ADRA1B: variants seen among roughly 807,000 people sequenced by gnomAD.
ADRA1B encodes adrenoceptor alpha 1B.
In ADRA1B, 17 loss-of-function variants were observed where a neutral mutation model predicts 17.9. The ratio of observed to expected loss-of-function variants is 0.95; its 90% confidence interval spans 0.65 to 1.42. The LOEUF (loss-of-function observed/expected upper bound fraction) is 1.42. Ranked by LOEUF, ADRA1B falls within the 40% of genes most tolerant of loss-of-function variation. The pLI, the probability that ADRA1B is intolerant of heterozygous loss-of-function variation, is 0.00. For synonymous variants in ADRA1B, 366 were observed against 327.6 expected, an observed-to-expected ratio of 1.12 and a Z score of -1.27; for missense variants, 681 against 722.1, an observed-to-expected ratio of 0.94 and a Z score of 0.65.
At chr5:159,986,689 T>C in the ADRA1B span, among the ~76,000 whole-genome samples, 1 of 152,186 alleles carries the variant, frequency 6.6e-6, no homozygotes, top group Non-Finnish European at 1.5e-5. Flanking sequence ...ATGATACAGT[T>C]GGTCCATGGA....
chr5:159,879,847 T>C (rs1031353676), intron 1 of ADRA1B, among the ~76,000 whole-genome samples: 2 of 151,790 alleles, frequency 1.3e-5, no homozygotes, highest in African/African-American at 2.4e-5. Flanking sequence ...AATACAAAAA[T>C]TAGCTGGGCG....
In ADRA1B at chr5:159,870,081, G is replaced by T. The variant is rs1753716845; in HGVS notation, c.-256+4875G>T. ...AAACAAAAAGTCACAGAAACAAATA[G>T]TTTCAAAATGTGACAATGCTATGAA... On this transcript the variant is annotated intron_variant, in intron 1 of 2. Transcript: ENST00000641205. 2.0e-5 allele frequency: 3 copies of T among 152,226 alleles called. No homozygotes were observed. The South Asian group carries it at 6.2e-4, about 32-fold the overall frequency. 9.4% of individuals were successfully genotyped at this position (152,226 alleles called of 1,614,324 possible). A position where few individuals can be genotyped will look rare whatever the true frequency, so the allele number is the denominator to read the frequency against.
At chr5:159,895,779 C>T (rs1754035337) in intron 1 of ADRA1B, among the ~76,000 whole-genome samples, 1 of 152,222 alleles carries the variant, frequency 6.6e-6, no homozygotes, top group Admixed American at 6.5e-5. Context: ...GCTATATCTG[C>T]CCCATACACC....
intron 1 of ADRA1B, among the ~76,000 whole-genome samples, chr5:159,943,941 AACACACACACACAC>A (rs1323571329): frequency 8.2e-6 from 1 of 121,842 alleles, no homozygotes. Flanking sequence ...CACACACACA[AACACACACACACAC>A]ACATTCTCAC....
At chr5:159,954,931 T>C (rs1329732290) in intron 1 of ADRA1B, among the ~76,000 whole-genome samples, 1 of 152,162 alleles carries the variant, frequency 6.6e-6, no homozygotes, top group East Asian at 1.9e-4. Context: ...CTGGAAGGTT[T>C]CCCCGCTGTA....
rs1754375829 is a variant in ADRA1B, at chr5:159,917,935, T to C, written c.949+81T>C. 4.1e-6 allele frequency: 5 copies of C among 1,226,222 alleles called. No homozygotes were observed. In the Admixed American group the frequency reaches 9.0e-5, roughly 22 times the overall value. 76.0% of individuals were successfully genotyped at this position (1,226,222 alleles called of 1,614,324 possible). ...GATGAGCTTACTCTAAAGTTTTTTGTGGGTTTTGTTTCTTATGCAGTCTGT... is the reference window on the plus strand; with the variant it reads ...GATGAGCTTACTCTAAAGTTTTTTGCGGGTTTTGTTTCTTATGCAGTCTGT... On this transcript the variant is annotated intron_variant, in intron 1 of 1. Coordinates refer to ENST00000306675, the MANE Select transcript of ADRA1B (RefSeq NM_000679.4).
At chr5:159,909,635 G>A (rs755146139) in intron 1 of ADRA1B, among the ~76,000 whole-genome samples, 8 of 152,144 alleles carry the variant, frequency 5.3e-5, no homozygotes, top group Non-Finnish European at 1.2e-4. Flanking sequence ...GCACATTCCC[G>A]TTATTTATCT....
chr5:159,892,398 C>T (rs1269308513), intron 1 of ADRA1B, among the ~76,000 whole-genome samples: 1 of 152,074 alleles, frequency 6.6e-6, no homozygotes, highest in Non-Finnish European at 1.5e-5. Flanking sequence ...AAACATGTGC[C>T]GTGGTGGTTT....
intron 1 of ADRA1B, among the ~76,000 whole-genome samples, chr5:159,941,730 A>G (rs79470384): frequency 0.012 from 1,844 of 152,324 alleles, 45 homozygotes; most frequent in African/African-American, 0.042. Context: ...ACATGCTACC[A>G]CACAGATGAA....
At chr5:159,986,525 T>TA in the ADRA1B span, among the ~76,000 whole-genome samples, 1 of 152,352 alleles carries the variant, frequency 6.6e-6, no homozygotes, top group Non-Finnish European at 1.5e-5. Flanking sequence ...CCGACAGCTT[T>TA]TAGTACCAAG....
intron 1 of ADRA1B, among the ~76,000 whole-genome samples, chr5:159,936,520 T>C (rs1207245707): frequency 2.0e-5 from 3 of 152,172 alleles, no homozygotes; most frequent in East Asian, 3.9e-4. Context: ...ATCAAAATGA[T>C]AAGCCTATTA....
chr5:159,878,412 A>C (rs1463902089), intron 1 of ADRA1B, among the ~76,000 whole-genome samples: 1 of 152,208 alleles, frequency 6.6e-6, no homozygotes, highest in Non-Finnish European at 1.5e-5. Context: ...GCTCCAGTCC[A>C]AGGAGGGAGG....
chr5:159,932,388 C>T (rs1210710181), intron 1 of ADRA1B, among the ~76,000 whole-genome samples: 2 of 152,138 alleles, frequency 1.3e-5, no homozygotes, highest in Non-Finnish European at 2.9e-5. Flanking sequence ...AAACTTCTGG[C>T]TTCAAGCGAT....
chr5:159,900,739 G>A (rs1011660576), intron 1 of ADRA1B, among the ~76,000 whole-genome samples: 9 of 152,218 alleles, frequency 5.9e-5, no homozygotes, highest in Admixed American at 2.0e-4. Flanking sequence ...TGGCAGGTTG[G>A]GGGGTGGGCA....
At chr5:159,965,990 G>A (rs1440248759) in intron 1 of ADRA1B, among the ~76,000 whole-genome samples, 2 of 152,122 alleles carry the variant, frequency 1.3e-5, no homozygotes, top group Non-Finnish European at 2.9e-5. Context: ...GGCGAGGCTG[G>A]TCTCAAACTC....
At chr5:159,866,515 A>G (rs376986519) in intron 1 of ADRA1B, among the ~76,000 whole-genome samples, 2 of 151,120 alleles carry the variant, frequency 1.3e-5, no homozygotes, top group East Asian at 3.9e-4. Flanking sequence ...GGAACCCGGG[A>G]GGCGGAGGTT....
At chr5:159,953,823 G>A (rs902815039) in intron 1 of ADRA1B, among the ~76,000 whole-genome samples, 3 of 152,068 alleles carry the variant, frequency 2.0e-5, no homozygotes, top group African/African-American at 7.2e-5. Context: ...GGGACCTCCT[G>A]CTGAGGGCGA....
intron 1 of ADRA1B, among the ~76,000 whole-genome samples, chr5:159,903,588 T>A (rs1390513498): frequency 6.6e-6 from 1 of 152,150 alleles, no homozygotes; most frequent in South Asian, 2.1e-4. Flanking sequence ...CCACTGGTAA[T>A]GGCCAAGTAG....
chr5:159,938,552 G>T (rs1310257278), intron 1 of ADRA1B, among the ~76,000 whole-genome samples: 1 of 152,170 alleles, frequency 6.6e-6, no homozygotes, highest in Non-Finnish European at 1.5e-5. Flanking sequence ...GCTGCACCTG[G>T]CTTCAAAGAG....
Sources: gnomAD v4.1 joint callset for allele counts (sites outside exome capture counted in the v4.1 genomes callset) on GRCh38, gnomAD v4.1.1 for gene constraint, MANE v1.5 for transcripts, NCBI Gene and HGNC (gene_info 2026-07-23, HGNC 2026-07-21) for gene names.